The following SHISA6 variants were observed in gnomAD, a reference collection of about 807,000 sequenced individuals.
The protein encoded by SHISA6 is protein shisa-6.
In SHISA6, 22 loss-of-function variants were observed where a neutral mutation model predicts 47.9. The observed-to-expected ratio is 0.46, with a 90% CI of 0.33 to 0.66. SHISA6 has a LOEUF of 0.66. Ranked by LOEUF, SHISA6 falls within the 30% of genes least tolerant of loss-of-function variation. The pLI, the probability that SHISA6 is intolerant of heterozygous loss-of-function variation, is 0.02. For synonymous variants in SHISA6, 388 were observed against 337.8 expected (o/e 1.15, Z -1.63); for missense variants, 680 against 764.6 (o/e 0.89, Z 1.30).
chr17:11,493,221 T>G (rs542958510), intron 3 of SHISA6, among the ~76,000 whole-genome samples: 42 of 152,224 alleles, frequency 2.8e-4, no homozygotes, highest in African/African-American at 9.9e-4. Flanking sequence ...CAACTCCTTT[T>G]TTTTTCTTTT....
chr17:11,351,477 A>G (rs780697603), intron 2 of SHISA6, among the ~76,000 whole-genome samples: 8 of 151,978 alleles, frequency 5.3e-5, no homozygotes, highest in Non-Finnish European at 7.4e-5. Flanking sequence ...TAAAAATTCT[A>G]CTCATCTTTC....
chr17:11,347,491 T>A (rs1911739297), intron 2 of SHISA6, among the ~76,000 whole-genome samples: 1 of 152,216 alleles, frequency 6.6e-6, no homozygotes, highest in South Asian at 2.1e-4. Context: ...TCAGAACCTA[T>A]AATACATATT....
At chr17:11,298,339 C>T (rs1909818395) in intron 2 of SHISA6, among the ~76,000 whole-genome samples, 1 of 152,276 alleles carries the variant, frequency 6.6e-6, no homozygotes, top group African/African-American at 2.4e-5. Flanking sequence ...ACTGAGTGCC[C>T]AGTGGAGATT....
At chr17:11,441,273 C>A (rs181694983) in intron 3 of SHISA6, among the ~76,000 whole-genome samples, 83 of 152,280 alleles carry the variant, frequency 5.5e-4, no homozygotes, top group African/African-American at 1.9e-3. Context: ...TTTCAAACCA[C>A]CTGCAATGGG....
At chr17:11,248,172 C>G (rs1907663140) in intron 1 of SHISA6, among the ~76,000 whole-genome samples, 1 of 152,092 alleles carries the variant, frequency 6.6e-6, no homozygotes, top group Admixed American at 6.5e-5. Flanking sequence ...TGAACTCAAC[C>G]CTTGAGCAAG....
At chr17:11,277,560 G>T (rs935985767) in intron 2 of SHISA6, among the ~76,000 whole-genome samples, 5 of 152,118 alleles carry the variant, frequency 3.3e-5, no homozygotes, top group African/African-American at 1.2e-4. Context: ...CAGAATGAAT[G>T]CCCTTATTTA....
At chr17:11,390,166 A>C (rs1913337646) in intron 3 of SHISA6, among the ~76,000 whole-genome samples, 3 of 152,192 alleles carry the variant, frequency 2.0e-5, no homozygotes, top group Non-Finnish European at 2.9e-5. Flanking sequence ...TAGTAACGTA[A>C]ATTTTCTTCA....
chr17:11,311,014 G>A (rs1597452028), intron 2 of SHISA6, among the ~76,000 whole-genome samples: 1 of 149,780 alleles, frequency 6.7e-6, no homozygotes, highest in East Asian at 2.0e-4. Flanking sequence ...GGCTAAGGCA[G>A]GAGAATGGCG....
chr17:11,557,660 T>C (rs1236005103), intron 5 of SHISA6, 94 bp from the exon 6 acceptor site: 1 of 1,231,794 alleles, frequency 8.1e-7, no homozygotes, highest in South Asian at 1.6e-5. Context: ...GGTTGACAGG[T>C]CTGTGATGGA....
chr17:11,261,450 C>T (rs746211026), intron 1 of SHISA6, among the ~76,000 whole-genome samples: 4 of 152,260 alleles, frequency 2.6e-5, no homozygotes, highest in Non-Finnish European at 4.4e-5. Context: ...GAAGATACAT[C>T]GCATAGCGCA....
At chr17:11,421,113 A>G (rs1389391265) in intron 3 of SHISA6, among the ~76,000 whole-genome samples, 8 of 152,162 alleles carry the variant, frequency 5.3e-5, no homozygotes, top group African/African-American at 1.7e-4. Context: ...TGTAGTGGAT[A>G]TTGAATCTCT....
intron 3 of SHISA6, among the ~76,000 whole-genome samples, chr17:11,540,650 CTG>C (rs1453105571): frequency 6.6e-6 from 1 of 152,180 alleles, no homozygotes; most frequent in African/African-American, 2.4e-5. Context: ...TGTCTACACT[CTG>C]TGTTAGGTGA....
chr17:11,387,101 G>C (rs972322875), intron 3 of SHISA6, among the ~76,000 whole-genome samples: 1 of 152,176 alleles, frequency 6.6e-6, no homozygotes, highest in Non-Finnish European at 1.5e-5. Context: ...TATTGGGACT[G>C]CTCTGAGGTC....
At chr17:11,451,517 T>A (rs1311359613) in intron 3 of SHISA6, among the ~76,000 whole-genome samples, 1 of 152,106 alleles carries the variant, frequency 6.6e-6, no homozygotes, top group Non-Finnish European at 1.5e-5. Context: ...ATATGATAGG[T>A]GGCCTGAGCA....
intron 2 of SHISA6, among the ~76,000 whole-genome samples, chr17:11,293,672 G>A (rs945472027): frequency 2.0e-5 from 3 of 152,046 alleles, no homozygotes; most frequent in African/African-American, 7.2e-5. Context: ...GGGGCTTTGA[G>A]CACACCAGCT....
At chr17:11,553,104 G>C (rs1345242358) in intron 4 of SHISA6, among the ~76,000 whole-genome samples, 1 of 152,204 alleles carries the variant, frequency 6.6e-6, no homozygotes, top group African/African-American at 2.4e-5. Context: ...GGGGGATGGA[G>C]TTGTCAGTGA....
intron 3 of SHISA6, among the ~76,000 whole-genome samples, chr17:11,468,447 A>G (rs907801219): frequency 6.6e-6 from 1 of 151,966 alleles, no homozygotes; most frequent in South Asian, 2.1e-4. Flanking sequence ...AAAGTGGGCT[A>G]CTGTGCCTGA....
At chr17:11,313,786 G>A (rs1910412837) in intron 2 of SHISA6, among the ~76,000 whole-genome samples, 2 of 152,100 alleles carry the variant, frequency 1.3e-5, no homozygotes, top group African/African-American at 2.4e-5. Flanking sequence ...AGGGAGATTA[G>A]GGAAGACCAG....
At chr17:11,405,742 A>C (rs1435934882) in intron 3 of SHISA6, among the ~76,000 whole-genome samples, 1 of 152,034 alleles carries the variant, frequency 6.6e-6, no homozygotes, top group Non-Finnish European at 1.5e-5. Flanking sequence ...CGGAGGTTGC[A>C]GTGAGTCGAG....
Sources: allele counts gnomAD v4.1 joint callset (sites outside exome capture counted in the v4.1 genomes callset), GRCh38; gene constraint gnomAD v4.1.1; transcripts MANE v1.5; gene names NCBI Gene and HGNC (gene_info 2026-07-23, HGNC 2026-07-21).